The following TAF3 variants were observed in gnomAD, a reference collection of about 807,000 sequenced individuals.
TAF3 encodes TATA-box binding protein associated factor 3, also known as transcription initiation factor TFIID subunit 3.
In TAF3, 7 loss-of-function variants were observed where a neutral mutation model predicts 80.6. The ratio of observed to expected loss-of-function variants is 0.09; its 90% CI spans 0.05 to 0.16. TAF3 has a LOEUF of 0.16. TAF3 is among the 10% of genes least tolerant of loss of function. TAF3 has a pLI of 1.00. For synonymous variants in TAF3, 444 were observed against 446.1 expected, an observed-to-expected ratio of 1.00 and a Z score of 0.06; for missense variants, 921 against 1,140.2, an observed-to-expected ratio of 0.81 and a Z score of 2.77.
chr10:8,014,130 C>T (rs1025294814), intron 6 of TAF3, among the ~76,000 whole-genome samples: 11 of 152,184 alleles, frequency 7.2e-5, no homozygotes, highest in Admixed American at 1.3e-4. Context: ...GCCTTCCTTT[C>T]CAGTAATGTT....
chr10:7,914,962 A>C, intron 2 of TAF3, among the ~76,000 whole-genome samples: 1 of 111,928 alleles, frequency 8.9e-6, no homozygotes, highest in Admixed American at 1.2e-4. Context: ...TTTTTTTGAG[A>C]CAGAGTCTTG....
chr10:7,868,036 G>C (rs767759478), intron 2 of TAF3, among the ~76,000 whole-genome samples: 1 of 152,098 alleles, frequency 6.6e-6, no homozygotes, highest in Non-Finnish European at 1.5e-5. Flanking sequence ...CCATAAAGTT[G>C]TTGATCCTTG....
intron 4 of TAF3, among the ~76,000 whole-genome samples, chr10:8,003,951 T>A (rs887214712): frequency 1.3e-5 from 2 of 151,586 alleles, no homozygotes; most frequent in Non-Finnish European, 2.9e-5. Context: ...GTTATTTTCA[T>A]AAAAAAAAAT....
Position 7,904,479 on chromosome 10 carries a change from A to G in TAF3, c.410-59441A>G, listed in dbSNP as rs190465128. ...TTGCATATTCTACACCTAGTAGTCT[A>G]TTAGTGCCTGATACACGCATTTATC... On this transcript the variant is annotated intron_variant, in intron 2 of 6. Transcript: ENST00000344293. Among the ~76,000 whole-genome samples, 190 of 87,462 alleles carry G rather than the reference A, an allele frequency of 2.2e-3. 1 individual carries two copies. The highest frequency in any genetic ancestry group is 0.015 in the South Asian group (37 of 2,424). The allele number at this position is 87,462 out of a possible 152,430, so 57.4% of individuals were successfully genotyped here. A position where few individuals can be genotyped will look rare whatever the true frequency, so the allele number is the denominator to read the frequency against.
chr10:7,985,935 C>T (rs1318898882), intron 4 of TAF3, among the ~76,000 whole-genome samples: 1 of 152,058 alleles, frequency 6.6e-6, no homozygotes, highest in Non-Finnish European at 1.5e-5. Flanking sequence ...GGGCACCCGC[C>T]CCCACACCCA....
At chr10:7,831,981 A>C (rs1337460779) in intron 2 of TAF3, among the ~76,000 whole-genome samples, 1 of 152,164 alleles carries the variant, frequency 6.6e-6, no homozygotes, top group Non-Finnish European at 1.5e-5. Context: ...ACAATGTGGA[A>C]TAATTAAGTC....
intron 2 of TAF3, among the ~76,000 whole-genome samples, chr10:7,961,571 C>T (rs907033445): frequency 3.9e-5 from 6 of 152,132 alleles, no homozygotes; most frequent in African/African-American, 1.4e-4. Flanking sequence ...AGGTATTCCT[C>T]AAAATACCTG....
intron 2 of TAF3, among the ~76,000 whole-genome samples, chr10:7,871,095 C>T (rs10752118): frequency 0.37 from 56,854 of 151,880 alleles, 11,570 homozygotes; most frequent in Admixed American, 0.49. Context: ...TGTAGTCAGT[C>T]GTTTAATATA....
intron 2 of TAF3, among the ~76,000 whole-genome samples, chr10:7,854,657 G>T (rs537269934): frequency 1.4e-5 from 2 of 141,774 alleles, no homozygotes; most frequent in Non-Finnish European, 3.1e-5. Context: ...GCCCTCTAAT[G>T]GGGGGGCGGG....
At chr10:7,842,293 G>A (rs1379788138) in intron 2 of TAF3, among the ~76,000 whole-genome samples, 1 of 149,944 alleles carries the variant, frequency 6.7e-6, no homozygotes, top group Non-Finnish European at 1.5e-5. Flanking sequence ...ACCACCAGCT[G>A]GGATCACAGA....
At chr10:7,928,523 T>A (rs1436971762) in intron 2 of TAF3, among the ~76,000 whole-genome samples, 1 of 152,232 alleles carries the variant, frequency 6.6e-6, no homozygotes, top group East Asian at 1.9e-4. Flanking sequence ...AAACATATTT[T>A]GCCTGTTGAC....
At chr10:7,977,392 A>AATTC in intron 4 of TAF3, 69 bp downstream of exon 4, 1 of 1,463,024 alleles carries the variant, frequency 6.8e-7, no homozygotes, top group Non-Finnish European at 9.5e-7. Flanking sequence ...TTCCTAAGGG[A>AATTC]CTTAGAATTC....
chr10:7,999,069 G>C (rs1289975346), intron 4 of TAF3, among the ~76,000 whole-genome samples: 1 of 152,094 alleles, frequency 6.6e-6, no homozygotes, highest in African/African-American at 2.4e-5. Context: ...AATCTCAGTG[G>C]TCCTGTGACT....
At chr10:7,832,227 A>G (rs1440525650) in intron 2 of TAF3, among the ~76,000 whole-genome samples, 2 of 151,844 alleles carry the variant, frequency 1.3e-5, no homozygotes, top group African/African-American at 4.8e-5. Flanking sequence ...CTCTGTAACC[A>G]CTGTTCTACT....
rs263430 is a variant in TAF3 at position 7,987,631 on chromosome 10, C to T, written c.2315+10308C>T. ...CCAAATTATCTTCTAAAAGGCTATA[C>T]CAATTAAAATTCTCACCAGCCGTAC... is the stretch of plus-strand genomic sequence containing the variant. On this transcript the variant is annotated intron_variant, in intron 4 of 6. Coordinates refer to ENST00000344293, the MANE Select transcript of TAF3 (RefSeq NM_031923.4). Among the ~76,000 whole-genome samples, 677 of 152,276 alleles carry T rather than the reference C, an allele frequency of 4.4e-3. 4 individuals carry two copies. The highest frequency in any genetic ancestry group is 0.016 in the African/African-American group (654 of 41,546).
chr10:8,016,584 G>C lies in TAF3; in HGVS notation c.*1833G>C, dbSNP rs1832107151. Reference sequence around the variant, plus strand: ...TGCGCGTTAGTGGTTTTTGGAGAGGGGTGAGGGGTGGGGGAAGTGCAAAAT... The same window carrying C: ...TGCGCGTTAGTGGTTTTTGGAGAGGCGTGAGGGGTGGGGGAAGTGCAAAAT... On this transcript the variant is annotated 3_prime_UTR_variant, in exon 7 of 7. Transcript: ENST00000344293. The C allele has an allele frequency of 1.3e-5, 2 of 152,214 alleles. No individual in the cohort carries two copies. The highest frequency in any genetic ancestry group is 4.2e-4 in the South Asian group (2 of 4,798). The allele number at this position is 152,214 out of a possible 1,614,324, so 9.4% of individuals were successfully genotyped here. A position where few individuals can be genotyped will look rare whatever the true frequency, so the allele number is the denominator to read the frequency against.
At chr10:7,850,180 C>T (rs529529735) in intron 2 of TAF3, among the ~76,000 whole-genome samples, 4 of 152,130 alleles carry the variant, frequency 2.6e-5, no homozygotes, top group African/African-American at 7.2e-5. Context: ...TAGTGATGTA[C>T]CTGTGGATTA....
At chr10:7,972,789 C>T (rs1831633442) in intron 3 of TAF3, among the ~76,000 whole-genome samples, 1 of 152,102 alleles carries the variant, frequency 6.6e-6, no homozygotes, top group African/African-American at 2.4e-5. Context: ...GAAAACCCAG[C>T]TAGTTTGGTT....
intron 4 of TAF3, among the ~76,000 whole-genome samples, chr10:7,985,639 C>T (rs894677950): frequency 2.6e-5 from 4 of 152,194 alleles, no homozygotes; most frequent in Non-Finnish European, 5.9e-5. Flanking sequence ...TCCCAATTCC[C>T]AGTTCCAGAG....
Sources: allele counts gnomAD v4.1 joint callset (sites outside exome capture counted in the v4.1 genomes callset), GRCh38; gene constraint gnomAD v4.1.1; transcripts MANE v1.5; gene names NCBI Gene and HGNC (gene_info 2026-07-23, HGNC 2026-07-21).